The following SORCS2 variants were observed in gnomAD, a reference collection of about 807,000 sequenced individuals.
SORCS2 encodes the protein VPS10 domain-containing receptor SorCS2.
Under a neutral mutation model 141.6 loss-of-function variants are expected in SORCS2, and 100 were observed. The observed-to-expected ratio is 0.71, with a 90% confidence interval of 0.60 to 0.83. The LOEUF (loss-of-function observed/expected upper bound fraction) is 0.83, where lower values mean the gene tolerates loss of function less well. Ranked by LOEUF, SORCS2 falls within the 40% of genes least tolerant of loss-of-function variation. SORCS2 has a pLI of 0.00. For missense variants in SORCS2, 1,646 were observed against 1,560.2 expected (o/e 1.05, Z -0.93); for synonymous variants, 789 against 676.9 (o/e 1.17, Z -2.57).
At chr4:7,603,794 C>G (rs1717886953) in intron 3 of SORCS2, among the ~76,000 whole-genome samples, 1 of 152,242 alleles carries the variant, frequency 6.6e-6, no homozygotes, top group Middle Eastern at 3.4e-3. Context: ...CTGGGTCACA[C>G]CTGTGCTCCT....
At chr4:7,399,796 C>T (rs1361720569) in intron 2 of SORCS2, among the ~76,000 whole-genome samples, 1 of 152,126 alleles carries the variant, frequency 6.6e-6, no homozygotes, top group Non-Finnish European at 1.5e-5. Context: ...TAGAAAAGCC[C>T]TTATAAAGTG....
chr4:7,484,899 C>G (rs1385759763), intron 2 of SORCS2, among the ~76,000 whole-genome samples: 1 of 152,166 alleles, frequency 6.6e-6, no homozygotes, highest in Non-Finnish European at 1.5e-5. Context: ...CTCCTCCACA[C>G]AGCCTGCCTC....
intron 1 of SORCS2, among the ~76,000 whole-genome samples, chr4:7,240,075 C>A (rs1028998644): frequency 1.3e-5 from 2 of 152,168 alleles, no homozygotes; most frequent in Middle Eastern, 3.2e-3. Flanking sequence ...TCAGCTCTTG[C>A]CCTTCAAAGC....
At chr4:7,379,270 G>A (rs990056328) in intron 1 of SORCS2, among the ~76,000 whole-genome samples, 6 of 152,172 alleles carry the variant, frequency 3.9e-5, no homozygotes, top group African/African-American at 1.2e-4. Context: ...AAGAGTTGGG[G>A]CATCCTGAGC....
At chr4:7,660,987 G>C (rs1038699626) in intron 5 of SORCS2, among the ~76,000 whole-genome samples, 1 of 152,122 alleles carries the variant, frequency 6.6e-6, no homozygotes, top group Non-Finnish European at 1.5e-5. Context: ...TGAATCACAG[G>C]TCAGCCCTTA....
intron 2 of SORCS2, among the ~76,000 whole-genome samples, chr4:7,510,899 T>G (rs1408305585): frequency 1.3e-5 from 2 of 152,170 alleles, no homozygotes; most frequent in African/African-American, 4.8e-5. Flanking sequence ...CTTTCCTCCT[T>G]TCTAACATCT....
At chr4:7,587,732 T>C (rs1317001518) in intron 3 of SORCS2, among the ~76,000 whole-genome samples, 1 of 152,076 alleles carries the variant, frequency 6.6e-6, no homozygotes, top group Non-Finnish European at 1.5e-5. Context: ...TCCCGTCACT[T>C]TAAATATGTA....
At chr4:7,566,994 T>C (rs1715065081) in intron 3 of SORCS2, among the ~76,000 whole-genome samples, 1 of 152,276 alleles carries the variant, frequency 6.6e-6, no homozygotes. Context: ...GAGTGCTCTC[T>C]GTCACCCAGT....
At chr4:7,605,355 G>C (rs368198615) in intron 3 of SORCS2, among the ~76,000 whole-genome samples, 1 of 152,114 alleles carries the variant, frequency 6.6e-6, no homozygotes, top group African/African-American at 2.4e-5. Context: ...GAGGTTAGAC[G>C]GTGCAGTCTC....
Position 7,631,047 on chromosome 4 carries a change from C to CTT in SORCS2, c.649-7263_649-7262dup, listed in dbSNP as rs11356756. On this transcript the variant is annotated intron_variant, in intron 3 of 26. Transcript: ENST00000507866. Reference sequence around the variant, plus strand: ...TCTGGATGCTGTTTGTTTTCCTTTTCTTTTTTTTTTTTTTTTTTTAACTTG... The same window carrying CTT: ...TCTGGATGCTGTTTGTTTTCCTTTTCTTTTTTTTTTTTTTTTTTTTTAACTTG... Among the ~76,000 whole-genome samples, 80 of 131,402 alleles carry CTT rather than the reference C, an allele frequency of 6.1e-4. 1 individual carries two copies. In the South Asian group the frequency reaches 7.4e-3, roughly 12 times the overall value. 86.2% of individuals were successfully genotyped at this position (131,402 alleles called of 152,430 possible).
chr4:7,528,145 G>C (rs1014464525), intron 2 of SORCS2, among the ~76,000 whole-genome samples: 7 of 151,836 alleles, frequency 4.6e-5, no homozygotes, highest in African/African-American at 1.7e-4. Context: ...CCTCAGTGTA[G>C]TGATGGGACA....
intron 1 of SORCS2, among the ~76,000 whole-genome samples, chr4:7,283,163 A>T (rs1329368485): frequency 6.6e-6 from 1 of 152,190 alleles, no homozygotes; most frequent in Non-Finnish European, 1.5e-5. Context: ...CACCATGGTG[A>T]GCAAGACCCT....
chr4:7,492,343 T>C (rs73091922), intron 2 of SORCS2, among the ~76,000 whole-genome samples: 4,162 of 152,350 alleles, frequency 0.027, 98 homozygotes, highest in African/African-American at 0.063. Flanking sequence ...TTTCTGTGCC[T>C]GGCTTGTTTC....
At chr4:7,433,966 T>C (rs1727086935) in intron 2 of SORCS2, 2 of 1,613,666 alleles carry the variant, frequency 1.2e-6, no homozygotes, top group Admixed American at 1.7e-5. Flanking sequence ...GAGCCAGTGG[T>C]CCAGCTTCTG....
chr4:7,615,813 C>G (rs562133235), intron 3 of SORCS2, among the ~76,000 whole-genome samples: 114 of 152,286 alleles, frequency 7.5e-4, no homozygotes, highest in African/African-American at 2.7e-3. Flanking sequence ...CACAGCTGAC[C>G]AGGGGTGACC....
rs527981300 is a variant in SORCS2 at position 7,505,603 on chromosome 4, CAGAG to C, written c.549-25925_549-25922del. 1.2e-3 allele frequency among the ~76,000 whole-genome samples: 186 copies of C among 152,216 alleles called. 2 individuals are homozygous for C. Among genetic ancestry groups the C allele is most frequent in the African/African-American group, 4.4e-3 (181 of 41,544 alleles). Reference sequence around the variant, plus strand: ...GCCCTCCTCATGGGTGTTCTGGAGACAGAGAAGTCACATGTACAAAGCAGTGCAC... The same window carrying C: ...GCCCTCCTCATGGGTGTTCTGGAGACAAGTCACATGTACAAAGCAGTGCAC... On this transcript the variant is annotated intron_variant, in intron 2 of 26. Coordinates refer to ENST00000507866, the MANE Select transcript of SORCS2 (RefSeq NM_020777.3).
At chr4:7,445,626 G>A (rs58285307) in intron 2 of SORCS2, among the ~76,000 whole-genome samples, 67,727 of 151,696 alleles carry the variant, frequency 0.45, 15,488 homozygotes, top group Middle Eastern at 0.49. Flanking sequence ...AGGCCAGGAT[G>A]GGGGCTGCAG....
At chr4:7,690,873 A>G (rs16840862) in intron 11 of SORCS2, among the ~76,000 whole-genome samples, 15,650 of 152,256 alleles carry the variant, frequency 0.1, 1,383 homozygotes, top group African/African-American at 0.24. Flanking sequence ...CTCTTCCACT[A>G]AACTAGAACA....
Position 7,500,360 on chromosome 4 carries a change from G to A in SORCS2, c.549-31170G>A, listed in dbSNP as rs144037887. 9.8e-3 allele frequency among the ~76,000 whole-genome samples: 1,499 copies of A among 152,236 alleles called. 25 individuals are homozygous for A. Among genetic ancestry groups the A allele is most frequent in the African/African-American group, 0.034 (1,428 of 41,542 alleles). ...CCGGCTCTTGGAGGTCCCTGGCAGC[G>A]CCAAACCCTCTGCCTGCATTGAGGA... On this transcript the variant is annotated intron_variant, in intron 2 of 26. Coordinates refer to ENST00000507866, the MANE Select transcript of SORCS2 (RefSeq NM_020777.3).
Sources: gnomAD v4.1 joint callset for allele counts (sites outside exome capture counted in the v4.1 genomes callset) on GRCh38, gnomAD v4.1.1 for gene constraint, MANE v1.5 for transcripts, NCBI Gene and HGNC (gene_info 2026-07-23, HGNC 2026-07-21) for gene names.